MAP1LC3B2: variants seen among roughly 807,000 people sequenced by gnomAD.
The protein encoded by MAP1LC3B2 is microtubule associated protein 1 light chain 3 beta 2.
For synonymous variants in MAP1LC3B2, 62 were observed against 57.8 expected, an observed-to-expected ratio of 1.07 and a Z score of -0.33; for missense variants, 155 against 154.6, an observed-to-expected ratio of 1.00 and a Z score of -0.01.
In MAP1LC3B2 at chr12:116,559,441, T is replaced by A. The variant is rs919436181; in HGVS notation, c.-102+8T>A. 1 of 152,188 alleles carries A rather than the reference T, an allele frequency of 6.6e-6. No individual in the cohort carries two copies. Among genetic ancestry groups the A allele is most frequent in the African/African-American group, 2.4e-5 (1 of 41,408 alleles). The allele number at this position is 152,188 out of a possible 1,614,324, so 9.4% of individuals were successfully genotyped here. A position where few individuals can be genotyped will look rare whatever the true frequency, so the allele number is the denominator to read the frequency against. Reference sequence around the variant, plus strand: ...CAGATCCTGTGCCAGCGGGTAGGAATATGTAGCTGCCTCCCAGCCCCAGGG... The same window carrying A: ...CAGATCCTGTGCCAGCGGGTAGGAAAATGTAGCTGCCTCCCAGCCCCAGGG... On this transcript the variant is annotated splice_region_variant and intron_variant, in intron 1 of 1. Coordinates refer to ENST00000556529, the MANE Select transcript of MAP1LC3B2 (RefSeq NM_001085481.3).
chr12:116,572,480 T>A (rs998776159), intron 1 of MAP1LC3B2, among the ~76,000 whole-genome samples: 1 of 151,878 alleles, frequency 6.6e-6, no homozygotes, highest in African/African-American at 2.4e-5. Context: ...TTCTCCTGCC[T>A]CAGCCTCCCG....
intron 1 of MAP1LC3B2, among the ~76,000 whole-genome samples, chr12:116,566,930 CAAAAAAAAAAAAAAAAAAAAAA>C (rs56405000): frequency 6.0e-4 from 16 of 26,758 alleles, no homozygotes; most frequent in South Asian, 3.0e-3. Flanking sequence ...GACTCTGTCT[CAAAAAAAAAAAAAAAAAAAAAA>C]AAAAAAAAAA....
At chr12:116,572,369 C>CTTT (rs34609295) in intron 1 of MAP1LC3B2, among the ~76,000 whole-genome samples, 21,920 of 146,676 alleles carry the variant, frequency 0.15, 1,767 homozygotes, top group Middle Eastern at 0.2. Flanking sequence ...TGCCTCAGTT[C>CTTT]TTTTTTTTTT....
At chr12:116,563,255 G>A (rs1037344579) in intron 1 of MAP1LC3B2, among the ~76,000 whole-genome samples, 4 of 152,080 alleles carry the variant, frequency 2.6e-5, no homozygotes, top group Non-Finnish European at 5.9e-5. Context: ...CACCACACCT[G>A]GTAAAGAACT....
chr12:116,575,392 C>G (rs1025566646), intron 1 of MAP1LC3B2, among the ~76,000 whole-genome samples: 1 of 152,098 alleles, frequency 6.6e-6, no homozygotes, highest in East Asian at 1.9e-4. Context: ...TTAGATAATT[C>G]TTTATTGTTT....
intron 1 of MAP1LC3B2, among the ~76,000 whole-genome samples, chr12:116,569,283 T>C (rs970535195): frequency 1.3e-5 from 2 of 152,184 alleles, no homozygotes; most frequent in Non-Finnish European, 2.9e-5. Flanking sequence ...TGTCCAGAGA[T>C]TGATGCTGAA....
intron 1 of MAP1LC3B2, among the ~76,000 whole-genome samples, chr12:116,567,295 A>T (rs1869413949): frequency 6.6e-6 from 1 of 152,162 alleles, no homozygotes; most frequent in African/African-American, 2.4e-5. Context: ...CAACTTAGAA[A>T]GAAGTCTTTT....
chr12:116,563,204 C>T (rs1869312781), intron 1 of MAP1LC3B2, among the ~76,000 whole-genome samples: 1 of 152,114 alleles, frequency 6.6e-6, no homozygotes, highest in Non-Finnish European at 1.5e-5. Context: ...GGTGATCTGC[C>T]CACCTCGGCC....
Position 116,575,905 on chromosome 12 carries a change from C to A in MAP1LC3B2, c.-38C>A. ...CGCCACCCCCAGGAGCCGCCGGGAC[C>A]CTCGCGTCGTCGCCGCCGCGGCCCA... On this transcript the variant is annotated 5_prime_UTR_variant, in exon 2 of 2. Coordinates refer to ENST00000556529, the MANE Select transcript of MAP1LC3B2 (RefSeq NM_001085481.3). The A allele has an allele frequency of 6.2e-7, 1 of 1,613,210 alleles. No individual in the cohort carries two copies. Among genetic ancestry groups the A allele is most frequent in the Non-Finnish European group, 8.5e-7 (1 of 1,179,468 alleles).
At chr12:116,559,855 GA>G (rs1382917413) in intron 1 of MAP1LC3B2, 1 of 152,120 alleles carries the variant, frequency 6.6e-6, no homozygotes, top group East Asian at 1.9e-4. Context: ...GGACGGTGAA[GA>G]AACAGCTTCT....
intron 1 of MAP1LC3B2, among the ~76,000 whole-genome samples, chr12:116,562,956 CTTTAT>C (rs1244034214): frequency 1.3e-5 from 2 of 152,000 alleles, no homozygotes; most frequent in Non-Finnish European, 2.9e-5. Flanking sequence ...CAAACAAGAA[CTTTAT>C]TTTATTTTAT....
intron 1 of MAP1LC3B2, among the ~76,000 whole-genome samples, chr12:116,575,127 C>G (rs1869636866): frequency 6.7e-6 from 1 of 150,226 alleles, no homozygotes; most frequent in African/African-American, 2.5e-5. Flanking sequence ...TTGCGGTGAG[C>G]CAAGATGGTG....
intron 1 of MAP1LC3B2, among the ~76,000 whole-genome samples, chr12:116,567,280 G>A (rs1308078299): frequency 2.0e-5 from 3 of 151,910 alleles, no homozygotes; most frequent in Non-Finnish European, 4.4e-5. Context: ...CCACCCTCAG[G>A]TTCTCAACTT....
intron 1 of MAP1LC3B2, among the ~76,000 whole-genome samples, chr12:116,566,628 A>AC: frequency 7.0e-6 from 1 of 143,484 alleles, no homozygotes; most frequent in Middle Eastern, 3.5e-3. Context: ...AAAAAAAAAA[A>AC]AAAAAAAAAA....
chr12:116,570,952 G>A (rs963445936), intron 1 of MAP1LC3B2, among the ~76,000 whole-genome samples: 2 of 152,034 alleles, frequency 1.3e-5, no homozygotes, highest in Admixed American at 6.6e-5. Context: ...TTCTTCTATC[G>A]GTTGCAATTT....
At chr12:116,567,772 A>G (rs915741501) in intron 1 of MAP1LC3B2, among the ~76,000 whole-genome samples, 1 of 151,658 alleles carries the variant, frequency 6.6e-6, no homozygotes, top group Non-Finnish European at 1.5e-5. Context: ...AAAAATATAT[A>G]TATATATGTA....
intron 1 of MAP1LC3B2, among the ~76,000 whole-genome samples, chr12:116,566,569 G>C (rs1376556646): frequency 7.3e-6 from 1 of 136,498 alleles, no homozygotes; most frequent in African/African-American, 2.8e-5. Context: ...ACCCATTTCA[G>C]AGATGAAAAA....
Position 116,576,512 on chromosome 12 carries a change from G to T in MAP1LC3B2, c.*192G>T. 1 of 644,538 alleles carries T rather than the reference G, an allele frequency of 1.6e-6. No individual in the cohort carries two copies. Among genetic ancestry groups the T allele is most frequent in the Admixed American group, 3.3e-5 (1 of 30,554 alleles). 39.9% of individuals were successfully genotyped at this position (644,538 alleles called of 1,614,324 possible). A position where few individuals can be genotyped will look rare whatever the true frequency, so the allele number is the denominator to read the frequency against. On this transcript the variant is annotated 3_prime_UTR_variant, in exon 2 of 2. Coordinates refer to ENST00000556529, the MANE Select transcript of MAP1LC3B2 (RefSeq NM_001085481.3). Reference sequence around the variant, plus strand: ...ACTGAGCTCCAAGTGAGCACATTCAGCTTTGGAAACTATATTATTTAATGT... The same window carrying T: ...ACTGAGCTCCAAGTGAGCACATTCATCTTTGGAAACTATATTATTTAATGT...
At chr12:116,563,577 G>A (rs1015719150) in intron 1 of MAP1LC3B2, among the ~76,000 whole-genome samples, 1 of 152,150 alleles carries the variant, frequency 6.6e-6, no homozygotes, top group African/African-American at 2.4e-5. Context: ...TGATTAAGAT[G>A]TGCCTTGATG....
Sources: allele counts gnomAD v4.1 joint callset (sites outside exome capture counted in the v4.1 genomes callset), GRCh38; gene constraint gnomAD v4.1.1; transcripts MANE v1.5; gene names NCBI Gene and HGNC (gene_info 2026-07-23, HGNC 2026-07-21).